The following MTMR6 variants were observed in gnomAD, a reference collection of about 807,000 sequenced individuals.
The protein encoded by MTMR6 is phosphatidylinositol-3,5-bisphosphate 3-phosphatase MTMR6.
MTMR6 carries 47 observed loss-of-function variants against 80.1 expected under a neutral mutation model. That is an observed-to-expected ratio of 0.59 (90% CI 0.46 to 0.75). The LOEUF is 0.75. MTMR6 is among the 30% of genes least tolerant of loss of function. The pLI is 0.00. For missense variants in MTMR6, 629 were observed against 730.9 expected (o/e 0.86, Z 1.61); for synonymous variants, 254 against 253.0 (o/e 1.00, Z -0.04).
At chr13:25,255,914 T>C (rs547001446) in intron 9 of MTMR6, among the ~76,000 whole-genome samples, 1 of 152,270 alleles carries the variant, frequency 6.6e-6, no homozygotes, top group Admixed American at 6.5e-5. Flanking sequence ...AAAACTTTTG[T>C]CTCATAAGTT....
intron 1 of MTMR6, among the ~76,000 whole-genome samples, chr13:25,285,902 G>A (rs535518718): frequency 6.6e-6 from 1 of 152,290 alleles, no homozygotes; most frequent in African/African-American, 2.4e-5. Flanking sequence ...GCTTCGAACT[G>A]ATGCAGAAGG....
chr13:25,248,192 T>C lies in MTMR6; in HGVS notation c.*1040A>G, dbSNP rs1957019712. 1 of 152,142 alleles carries C rather than the reference T, an allele frequency of 6.6e-6. No individual in the cohort carries two copies. The highest frequency in any genetic ancestry group is 2.1e-4 in the South Asian group (1 of 4,830). 9.4% of individuals were successfully genotyped at this position (152,142 alleles called of 1,614,324 possible). On this transcript the variant is annotated 3_prime_UTR_variant, in exon 14 of 14. Transcript: ENST00000381801. The stretch of plus-strand genomic sequence containing the variant: ...GCAACCATGCACAACCTAAACTATC[T>C]GTACTTCCCTTTTTTATTTACCCAA...
intron 9 of MTMR6, among the ~76,000 whole-genome samples, chr13:25,256,850 A>C (rs143489350): frequency 1.3e-5 from 2 of 152,328 alleles, no homozygotes; most frequent in African/African-American, 4.8e-5. Context: ...ATGAGGGAGA[A>C]AATACTGAAT....
In MTMR6 at chr13:25,265,967, C is replaced by T; in HGVS notation, c.463-20G>A. 1 of 1,611,186 alleles carries T rather than the reference C, an allele frequency of 6.2e-7. No homozygotes were observed. Among genetic ancestry groups the T allele is most frequent in the Non-Finnish European group, 8.5e-7 (1 of 1,177,484 alleles). Reference sequence around the variant, plus strand: ...ACAAATCTGTAAATATCAAACAAAACATAACCATTGTATTCTTAGTTCAAA... The same window carrying T: ...ACAAATCTGTAAATATCAAACAAAATATAACCATTGTATTCTTAGTTCAAA... On this transcript the variant is annotated intron_variant, in intron 4 of 13. Coordinates refer to ENST00000381801, the MANE Select transcript of MTMR6 (RefSeq NM_004685.5).
intron 2 of MTMR6, among the ~76,000 whole-genome samples, chr13:25,273,398 T>C (rs2137596904): frequency 6.6e-6 from 1 of 152,020 alleles, no homozygotes; most frequent in South Asian, 2.1e-4. Context: ...ACATTTATAC[T>C]AGCAAAAAAA....
At position 25,267,943 on chromosome 13, in the gene MTMR6, T is replaced by A; in HGVS notation, c.142-2A>T. 1 of 1,586,048 alleles carries A rather than the reference T, an allele frequency of 6.3e-7. No individual in the cohort carries two copies. The highest frequency in any genetic ancestry group is 8.6e-7 in the Non-Finnish European group (1 of 1,167,314). The stretch of plus-strand genomic sequence containing the variant: ...TGAGGCAATATGGTGGTGTAATATC[T>A]ACAGCATGAAAAAACATCCAGGTCA... On this transcript the variant is annotated splice_acceptor_variant, in intron 2 of 13. Transcript: ENST00000381801. LOFTEE classifies it high-confidence loss of function.
intron 1 of MTMR6, among the ~76,000 whole-genome samples, chr13:25,275,006 A>ACACACACACACACACACACG (rs1957686851): frequency 6.7e-6 from 1 of 149,060 alleles, no homozygotes; most frequent in Non-Finnish European, 1.5e-5. Context: ...ACACACACAC[A>ACACACACACACACACACACG]CTATGTTGCT....
chr13:25,266,603 TACTAATC>T (rs1297867312), intron 3 of MTMR6, among the ~76,000 whole-genome samples: 1 of 152,140 alleles, frequency 6.6e-6, no homozygotes, highest in Non-Finnish European at 1.5e-5. Flanking sequence ...AGACATTTCC[TACTAATC>T]ACTTTCCCAA....
chr13:25,247,955 G>A lies in MTMR6; in HGVS notation c.*1277C>T, dbSNP rs1387469263. 6.6e-6 allele frequency: 1 copy of A among 151,878 alleles called. No individual in the cohort carries two copies. Among genetic ancestry groups the A allele is most frequent in the East Asian group, 1.9e-4 (1 of 5,194 alleles). 9.4% of individuals were successfully genotyped at this position (151,878 alleles called of 1,614,324 possible). On this transcript the variant is annotated 3_prime_UTR_variant, in exon 14 of 14. Coordinates refer to ENST00000381801, the MANE Select transcript of MTMR6 (RefSeq NM_004685.5). ...TTGCTAATTCCAAGTGATAGTTTTG[G>A]GGTTTTTATGTTTTGTTTCTTGTTT...
chr13:25,287,277 TCA>T lies in MTMR6; in HGVS notation c.-32_-31del, dbSNP rs533437900. ...AGGAGACGTCAGCCGGCAGCCGGTC[TCA>T]CAGGCGTACCATACGGCTACAGAAA... On this transcript the variant is annotated 5_prime_UTR_variant, in exon 1 of 14. The change abolishes the stop of an existing upstream ORF in the 5' untranslated region. Transcript: ENST00000381801. The T allele has an allele frequency of 2.1e-4, 329 of 1,586,140 alleles. No homozygotes were observed. The African/African-American group carries it at 3.6e-3, about 17-fold the overall frequency.
At chr13:25,287,108 G>T in intron 1 of MTMR6, 116 bp downstream of exon 1, 1 of 1,443,772 alleles carries the variant, frequency 6.9e-7, no homozygotes, top group Non-Finnish European at 9.4e-7. Flanking sequence ...GCCCCGGGCC[G>T]GGTCTCCGCC....
In MTMR6 at chr13:25,287,369, T is replaced by A. The variant is rs1593162197; in HGVS notation, c.-122A>T. On this transcript the variant is annotated 5_prime_UTR_variant, in exon 1 of 14. Coordinates refer to ENST00000381801, the MANE Select transcript of MTMR6 (RefSeq NM_004685.5). Reference sequence around the variant, plus strand: ...TCCACCAGCCAGCGCCGCGGGTCTGTCTGCCGGCCCCGGTGGCGTCAACGG... The same window carrying A: ...TCCACCAGCCAGCGCCGCGGGTCTGACTGCCGGCCCCGGTGGCGTCAACGG... 3.7e-6 allele frequency: 5 copies of A among 1,339,062 alleles called. No homozygotes were observed. The highest frequency in any genetic ancestry group is 1.4e-5 in the African/African-American group (1 of 69,158). The allele number at this position is 1,339,062 out of a possible 1,614,324, so 82.9% of individuals were successfully genotyped here. A position where few individuals can be genotyped will look rare whatever the true frequency, so the allele number is the denominator to read the frequency against.
At chr13:25,269,820 C>G (rs1957533143) in intron 2 of MTMR6, among the ~76,000 whole-genome samples, 1 of 151,332 alleles carries the variant, frequency 6.6e-6, no homozygotes, top group Admixed American at 6.6e-5. Flanking sequence ...AAATAATTAA[C>G]ACACACACAC....
At chr13:25,277,954 T>C (rs1957761034) in intron 1 of MTMR6, among the ~76,000 whole-genome samples, 1 of 152,224 alleles carries the variant, frequency 6.6e-6, no homozygotes, top group African/African-American at 2.4e-5. Flanking sequence ...TTCTCTTTGT[T>C]AGATCTTTAA....
At chr13:25,287,165 C>T (rs1044546008) in intron 1 of MTMR6, 59 bp downstream of exon 1, 39 of 1,561,158 alleles carry the variant, frequency 2.5e-5, no homozygotes, top group Admixed American at 7.4e-5. Context: ...TTCGTCTCCT[C>T]CTGCCTCAGC....
intron 1 of MTMR6, among the ~76,000 whole-genome samples, chr13:25,280,543 T>G (rs746097568): frequency 1.4e-4 from 21 of 152,232 alleles, no homozygotes; most frequent in Non-Finnish European, 2.6e-4. Flanking sequence ...AGTCAACTTC[T>G]AAAAACCAAC....
intron 1 of MTMR6, among the ~76,000 whole-genome samples, chr13:25,285,540 CTT>C (rs571735915): frequency 1.4e-5 from 2 of 143,582 alleles, no homozygotes. Context: ...ACCCGGCTTT[CTT>C]TTTTTTTTTT....
At chr13:25,286,377 G>A (rs1274381540) in intron 1 of MTMR6, among the ~76,000 whole-genome samples, 1 of 152,126 alleles carries the variant, frequency 6.6e-6, no homozygotes, top group Non-Finnish European at 1.5e-5. Context: ...CAGTGGGCTC[G>A]CAGTGATTTT....
At chr13:25,277,215 C>T (rs1005791226) in intron 1 of MTMR6, among the ~76,000 whole-genome samples, 4 of 152,198 alleles carry the variant, frequency 2.6e-5, no homozygotes, top group African/African-American at 9.7e-5. Context: ...ATGACTTCTT[C>T]TCAACCCCCA....
Sources: gnomAD v4.1 joint callset for allele counts (sites outside exome capture counted in the v4.1 genomes callset) on GRCh38, gnomAD v4.1.1 for gene constraint, MANE v1.5 for transcripts, NCBI Gene and HGNC (gene_info 2026-07-23, HGNC 2026-07-21) for gene names.